Variants in KCNK2 observed in about 807,000 individuals in gnomAD.
KCNK2 encodes the protein potassium two pore domain channel subfamily K member 2.
A neutral mutation model predicts 40.5 loss-of-function variants in KCNK2; 21 were observed. That is an observed-to-expected ratio of 0.52 (90% CI 0.37 to 0.75). KCNK2 has a LOEUF of 0.75. Among genes scored for constraint, KCNK2 ranks in the 30% least tolerant of loss-of-function variants. The probability of loss-of-function intolerance (pLI) is 0.00; values close to 1 mark genes in which losing one functional copy is unlikely to be tolerated. For synonymous variants in KCNK2, 191 were observed against 202.2 expected (o/e 0.94, Z 0.47); for missense variants, 399 against 531.6 (o/e 0.75, Z 2.45).
intron 1 of KCNK2, among the ~76,000 whole-genome samples, chr1:215,073,723 TACTTA>T (rs1202818260): frequency 2.0e-5 from 3 of 152,170 alleles, no homozygotes; most frequent in African/African-American, 7.2e-5. Context: ...TTGGGGAAGT[TACTTA>T]ACTTCTTTGA....
intron 3 of KCNK2, among the ~76,000 whole-genome samples, chr1:215,138,443 A>G (rs1050013458): frequency 6.6e-6 from 1 of 152,164 alleles, no homozygotes; most frequent in African/African-American, 2.4e-5. Context: ...ATATTTTTAG[A>G]GGAAAAAATC....
intron 2 of KCNK2, among the ~76,000 whole-genome samples, chr1:215,089,563 G>T (rs976412035): frequency 6.6e-6 from 1 of 152,118 alleles, no homozygotes; most frequent in Non-Finnish European, 1.5e-5. Flanking sequence ...GGTTGGGGAG[G>T]TGAGGGAAGA....
chr1:215,194,046 G>T (rs557385053), intron 5 of KCNK2, among the ~76,000 whole-genome samples: 9 of 152,110 alleles, frequency 5.9e-5, no homozygotes, highest in African/African-American at 2.2e-4. Flanking sequence ...CCCCATTGAG[G>T]TTAACTGTCT....
chr1:215,152,943 C>T (rs1371381846), intron 3 of KCNK2, among the ~76,000 whole-genome samples: 1 of 152,062 alleles, frequency 6.6e-6, no homozygotes, highest in Non-Finnish European at 1.5e-5. Flanking sequence ...ATAAATGTAA[C>T]AATAAACTAC....
chr1:215,097,305 C>G (rs1660018246), intron 2 of KCNK2, among the ~76,000 whole-genome samples: 1 of 151,774 alleles, frequency 6.6e-6, no homozygotes, highest in Middle Eastern at 3.2e-3. Flanking sequence ...TGGTTTTGCT[C>G]TCAGGTTAGG....
chr1:215,079,217 C>T (rs1010319534), upstream of KCNK2, among the ~76,000 whole-genome samples: 16 of 152,130 alleles, frequency 1.1e-4, no homozygotes, highest in African/African-American at 2.4e-4. Flanking sequence ...ATTATACTTT[C>T]GATGGGGCTT....
intron 2 of KCNK2, among the ~76,000 whole-genome samples, chr1:215,122,395 A>G (rs1332405428): frequency 6.6e-6 from 1 of 152,202 alleles, no homozygotes; most frequent in Non-Finnish European, 1.5e-5. Context: ...TTTAAAAGAA[A>G]GATAATGAAG....
chr1:215,120,442 A>T (rs1046534434), intron 2 of KCNK2, among the ~76,000 whole-genome samples: 5 of 152,334 alleles, frequency 3.3e-5, no homozygotes, highest in Middle Eastern at 3.4e-3. Flanking sequence ...TTTTTGAATA[A>T]ATGAACGTGT....
chr1:215,113,240 G>C (rs1403950496), intron 2 of KCNK2, among the ~76,000 whole-genome samples: 1 of 151,608 alleles, frequency 6.6e-6, no homozygotes, highest in African/African-American at 2.4e-5. Flanking sequence ...TATTTTTTTT[G>C]CTTAGAACTT....
At chr1:215,217,410 G>A (rs944597899) in intron 6 of KCNK2, among the ~76,000 whole-genome samples, 2 of 152,116 alleles carry the variant, frequency 1.3e-5, no homozygotes, top group African/African-American at 4.8e-5. Flanking sequence ...TTAAACCAAT[G>A]GAGCATGTGT....
chr1:215,071,366 C>T (rs1658751917), intron 1 of KCNK2, among the ~76,000 whole-genome samples: 1 of 152,140 alleles, frequency 6.6e-6, no homozygotes, highest in African/African-American at 2.4e-5. Flanking sequence ...TGAGTGACTG[C>T]TTAGGAAAGG....
chr1:215,163,155 G>C (rs539459101), intron 3 of KCNK2, among the ~76,000 whole-genome samples: 2 of 152,130 alleles, frequency 1.3e-5, no homozygotes, highest in African/African-American at 2.4e-5. Flanking sequence ...TCCATTGTAA[G>C]TTGTATTCCT....
chr1:215,102,169 AG>A (rs1367050895), intron 2 of KCNK2, among the ~76,000 whole-genome samples: 1 of 151,956 alleles, frequency 6.6e-6, no homozygotes, highest in Non-Finnish European at 1.5e-5. Flanking sequence ...TTACAGAAGA[AG>A]GCATTGTTAT....
chr1:215,172,769 G>T (rs370281905), intron 5 of KCNK2, among the ~76,000 whole-genome samples: 7 of 152,104 alleles, frequency 4.6e-5, no homozygotes, highest in South Asian at 2.1e-4. Flanking sequence ...TGATTCTCCT[G>T]TCTCAGCCTC....
intron 6 of KCNK2, among the ~76,000 whole-genome samples, chr1:215,195,620 A>G (rs1351387111): frequency 1.3e-5 from 2 of 152,140 alleles, no homozygotes; most frequent in Admixed American, 6.5e-5. Flanking sequence ...GATTTTAACA[A>G]TTTTAAAAGG....
intron 1 of KCNK2, among the ~76,000 whole-genome samples, chr1:215,026,567 C>T (rs1657008892): frequency 6.6e-6 from 1 of 151,906 alleles, no homozygotes; most frequent in Admixed American, 6.6e-5. Flanking sequence ...CTAATGTATA[C>T]ACTCTGTCTT....
rs2102663598 is a variant in KCNK2, at chr1:215,193,912, T to G, written c.824-1041T>G. On this transcript the variant is annotated intron_variant, in intron 5 of 6. Coordinates refer to ENST00000444842, the MANE Select transcript of KCNK2 (RefSeq NM_001017425.3). ...ATTTTCCACACTGTGCTATTCCATG[T>G]TTTGATCCTCATTACCTAAGACTCA... 1.3e-5 allele frequency among the ~76,000 whole-genome samples: 2 copies of G among 152,336 alleles called. 1 individual carries two copies. The highest frequency in any genetic ancestry group is 2.9e-5 in the Non-Finnish European group (2 of 68,024).
intron 1 of KCNK2, among the ~76,000 whole-genome samples, chr1:215,044,093 T>C (rs1328226008): frequency 6.6e-6 from 1 of 152,140 alleles, no homozygotes; most frequent in African/African-American, 2.4e-5. Context: ...GGACACAAGG[T>C]TACAAAAATG....
chr1:215,083,194 T>TCCCCCCCCCCCCCCCCCCCCCGGGCC lies in KCNK2; in HGVS notation c.-183_-182insCCCCCCCCCCCCGGGCCCCCCCCCCC. ...CCCGCGATTTCGTTTCTTCTCACGC[T>TCCCCCCCCCCCCCCCCCCCCCGGGCC]CCCCCCCCCGCCCCCTCCCGCGTCC... On this transcript the variant is annotated 5_prime_UTR_variant, in exon 1 of 7. Coordinates refer to ENST00000444842, the MANE Select transcript of KCNK2 (RefSeq NM_001017425.3). 1 of 501,814 alleles carries TCCCCCCCCCCCCCCCCCCCCCGGGCC rather than the reference T, an allele frequency of 2.0e-6. No individual in the cohort carries two copies. The highest frequency in any genetic ancestry group is 2.0e-5 in the South Asian group (1 of 49,324). The allele number at this position is 501,814 out of a possible 1,614,324, so 31.1% of individuals were successfully genotyped here. A position where few individuals can be genotyped will look rare whatever the true frequency, so the allele number is the denominator to read the frequency against.
Sources: gnomAD v4.1 joint callset for allele counts (sites outside exome capture counted in the v4.1 genomes callset) on GRCh38, gnomAD v4.1.1 for gene constraint, MANE v1.5 for transcripts, NCBI Gene and HGNC (gene_info 2026-07-23, HGNC 2026-07-21) for gene names.